The following PDK1 variants were observed in gnomAD, a reference collection of about 807,000 sequenced individuals.
PDK1 encodes the protein pyruvate dehydrogenase kinase 1.
PDK1 carries 39 observed loss-of-function variants against 54.2 expected under a neutral mutation model. That is an observed-to-expected ratio of 0.72 (90% CI 0.56 to 0.94). The LOEUF (loss-of-function observed/expected upper bound fraction) is 0.94, where lower values mean the gene tolerates loss of function less well. Ranked by LOEUF, PDK1 falls within the 40% of genes least tolerant of loss-of-function variation. The probability of loss-of-function intolerance (pLI) is 0.00; values close to 1 mark genes in which losing one functional copy is unlikely to be tolerated. For missense variants in PDK1, 552 were observed against 566.0 expected, an observed-to-expected ratio of 0.98 and a Z score of 0.25; for synonymous variants, 221 against 207.1, an observed-to-expected ratio of 1.07 and a Z score of -0.58.
the PDK1 span, among the ~76,000 whole-genome samples, chr2:172,628,085 T>C: frequency 6.6e-6 from 1 of 152,246 alleles, no homozygotes; most frequent in Non-Finnish European, 1.5e-5. Context: ...TGCTTCAAGA[T>C]ATCCTGCAGT....
At chr2:172,715,537 G>T in the PDK1 span, among the ~76,000 whole-genome samples, 7 of 152,138 alleles carry the variant, frequency 4.6e-5, no homozygotes, top group Non-Finnish European at 1.0e-4. Context: ...TGCCTAGGAG[G>T]TTCATCAGGC....
the PDK1 span, among the ~76,000 whole-genome samples, chr2:172,669,315 G>A: frequency 6.6e-6 from 1 of 152,182 alleles, no homozygotes; most frequent in Non-Finnish European, 1.5e-5. Context: ...CCAAAGTGCT[G>A]GGATTACAGG....
At chr2:172,649,671 A>T in the PDK1 span, among the ~76,000 whole-genome samples, 1 of 152,226 alleles carries the variant, frequency 6.6e-6, no homozygotes, top group African/African-American at 2.4e-5. Context: ...AAACCATGGC[A>T]TGAGAACTAC....
chr2:172,689,908 C>T, the PDK1 span, among the ~76,000 whole-genome samples: 1 of 150,248 alleles, frequency 6.7e-6, no homozygotes, highest in Admixed American at 6.8e-5. Context: ...TAGAAGAAAA[C>T]CTGGACAATA....
chr2:172,643,935 C>T, the PDK1 span, among the ~76,000 whole-genome samples: 1 of 152,186 alleles, frequency 6.6e-6, no homozygotes, highest in African/African-American at 2.4e-5. Flanking sequence ...TGCCCCCAGG[C>T]CCCACAAATG....
At chr2:172,580,324 A>G (rs1390528725) in intron 8 of PDK1, among the ~76,000 whole-genome samples, 1 of 150,908 alleles carries the variant, frequency 6.6e-6, no homozygotes, top group Admixed American at 6.6e-5. Context: ...TAAGGTTTAC[A>G]GTCAAGAAAA....
Position 172,600,381 on chromosome 2 carries a change from A to C in PDK1, c.*4412A>C, listed in dbSNP as rs1691072028. 6.6e-6 allele frequency: 1 copy of C among 152,224 alleles called. No homozygotes were observed. Among genetic ancestry groups the C allele is most frequent in the African/African-American group, 2.4e-5 (1 of 41,468 alleles). 9.4% of individuals were successfully genotyped at this position (152,224 alleles called of 1,614,324 possible). On this transcript the variant is annotated 3_prime_UTR_variant, in exon 11 of 11. Coordinates refer to ENST00000282077, the MANE Select transcript of PDK1 (RefSeq NM_002610.5). ...ACTATAAAATAGGATGGGACAGAGA[A>C]AAATATGTCTGTATTACAGCATAAA...
chr2:172,705,161 G>A, the PDK1 span, among the ~76,000 whole-genome samples: 295 of 152,258 alleles, frequency 1.9e-3, 4 homozygotes, highest in Middle Eastern at 6.8e-3. Context: ...ATTAAATTTT[G>A]TATAAAATGT....
intron 8 of PDK1, among the ~76,000 whole-genome samples, chr2:172,574,227 A>C (rs1689453577): frequency 6.6e-6 from 1 of 152,364 alleles, no homozygotes; most frequent in Non-Finnish European, 1.5e-5. Context: ...CTTGTCAAAA[A>C]TCAATTGCTC....
chr2:172,566,752 T>G, intron 5 of PDK1, 104 bp from the exon 6 acceptor site: 1 of 623,960 alleles, frequency 1.6e-6, no homozygotes, highest in Non-Finnish European at 2.7e-6. Context: ...TTTTCTTCTG[T>G]AGAGAGTTCA....
the PDK1 span, among the ~76,000 whole-genome samples, chr2:172,675,076 CG>C: frequency 6.6e-6 from 1 of 152,240 alleles, no homozygotes; most frequent in Non-Finnish European, 1.5e-5. Flanking sequence ...CCACGAAGCA[CG>C]CTCATAGCAG....
chr2:172,575,756 A>G (rs896434259), intron 8 of PDK1, among the ~76,000 whole-genome samples: 2 of 152,176 alleles, frequency 1.3e-5, no homozygotes, highest in Admixed American at 1.3e-4. Flanking sequence ...CGGGAGGCAG[A>G]GGTTGCAGTA....
At chr2:172,582,573 T>TA (rs766428745) in intron 8 of PDK1, among the ~76,000 whole-genome samples, 5 of 152,190 alleles carry the variant, frequency 3.3e-5, no homozygotes, top group African/African-American at 4.8e-5. Context: ...CTCATTATCT[T>TA]AATAAGGTTT....
At chr2:172,645,928 A>G in the PDK1 span, among the ~76,000 whole-genome samples, 8 of 152,246 alleles carry the variant, frequency 5.3e-5, no homozygotes, top group East Asian at 1.9e-4. Context: ...TTTTTAAAAC[A>G]TTTCACTGAC....
Position 172,572,118 on chromosome 2 carries a change from C to T in PDK1, c.945+1294C>T, listed in dbSNP as rs538209035. On this transcript the variant is annotated intron_variant, in intron 8 of 10. Transcript: ENST00000282077. Reference sequence around the variant, plus strand: ...GTGCTGGGATTACAGGCATGAGCTACTGCACCTGGCCTAATGTTTACATTT... The same window carrying T: ...GTGCTGGGATTACAGGCATGAGCTATTGCACCTGGCCTAATGTTTACATTT... 1.7e-3 allele frequency among the ~76,000 whole-genome samples: 258 copies of T among 152,190 alleles called. 1 individual carries two copies. Among genetic ancestry groups the T allele is most frequent in the South Asian group, 8.5e-3 (41 of 4,816 alleles).
At position 172,604,538 on chromosome 2, in the gene PDK1, T is replaced by C. The variant is rs1691224251; in HGVS notation, c.*8569T>C. On this transcript the variant is annotated 3_prime_UTR_variant, in exon 11 of 11. Coordinates refer to ENST00000282077, the MANE Select transcript of PDK1 (RefSeq NM_002610.5). ...CTCTCCAATGTTCATTGCTAATACA[T>C]TTCACGTTTGAATCTCCAGTTCAGA... 3 of 152,238 alleles carry C rather than the reference T, an allele frequency of 2.0e-5. No individual in the cohort carries two copies. The South Asian group carries it at 6.2e-4, about 32-fold the overall frequency. 9.4% of individuals were successfully genotyped at this position (152,238 alleles called of 1,614,324 possible). A position where few individuals can be genotyped will look rare whatever the true frequency, so the allele number is the denominator to read the frequency against.
the PDK1 span, among the ~76,000 whole-genome samples, chr2:172,694,800 T>G: frequency 6.6e-6 from 1 of 152,176 alleles, no homozygotes; most frequent in Non-Finnish European, 1.5e-5. Context: ...TGTTTAATAT[T>G]AGAAGTGTTT....
At position 172,595,872 on chromosome 2, in the gene PDK1, A is replaced by G. The variant is rs1690862800; in HGVS notation, c.1214A>G (p.Lys405Arg). 1.9e-6 allele frequency: 3 copies of G among 1,613,940 alleles called. No homozygotes were observed. Among genetic ancestry groups the G allele is most frequent in the Non-Finnish European group, 1.7e-6 (2 of 1,179,832 alleles). ...DSIERLPVYN[K>R]AAWKHYNTNH... ...ATAGAAAGACTCCCAGTGTATAACA[A>G]AGCTGCCTGGAAGCATTACAACACC... The change falls in exon 11 of 11, where the codon AAA (lysine) becomes AGA (arginine). Residue 405 changes from lysine (K) to arginine (R), a missense_variant. Coordinates refer to ENST00000282077, the MANE Select transcript of PDK1 (RefSeq NM_002610.5).
At chr2:172,664,402 G>GT in the PDK1 span, among the ~76,000 whole-genome samples, 64 of 145,626 alleles carry the variant, frequency 4.4e-4, no homozygotes, top group African/African-American at 1.4e-3. Context: ...ACCTTTGTAA[G>GT]TTATTTGATC....
Sources: gnomAD v4.1 joint callset for allele counts (sites outside exome capture counted in the v4.1 genomes callset) on GRCh38, gnomAD v4.1.1 for gene constraint, MANE v1.5 for transcripts, NCBI Gene and HGNC (gene_info 2026-07-23, HGNC 2026-07-21) for gene names.